The following RASSF5 variants were observed in gnomAD, a reference collection of about 807,000 sequenced individuals.
The protein encoded by RASSF5 is ras association domain-containing protein 5.
RASSF5 carries 25 observed loss-of-function variants against 40.5 expected under a neutral mutation model. That is an observed-to-expected ratio of 0.62 (90% confidence interval 0.45 to 0.86). RASSF5 has a LOEUF of 0.86. Ranked by LOEUF, RASSF5 falls within the 40% of genes least tolerant of loss-of-function variation. The pLI, the probability that RASSF5 is intolerant of heterozygous loss-of-function variation, is 0.00. For missense variants in RASSF5, 521 were observed against 572.8 expected (o/e 0.91, Z 0.92); for synonymous variants, 246 against 252.4 (o/e 0.97, Z 0.24).
At chr1:206,528,869 C>A in intron 1 of RASSF5, 1 of 483,368 alleles carries the variant, frequency 2.1e-6, no homozygotes, top group South Asian at 3.6e-5. Context: ...GAAACCTCGT[C>A]TCTACAAAAA....
At chr1:206,521,894 G>A (rs1000661488) in intron 1 of RASSF5, among the ~76,000 whole-genome samples, 3 of 152,220 alleles carry the variant, frequency 2.0e-5, no homozygotes, top group Non-Finnish European at 2.9e-5. Context: ...AGTGACACAT[G>A]CCTAGACGAG....
chr1:206,538,875 G>A (rs1385325795), intron 2 of RASSF5, among the ~76,000 whole-genome samples: 13 of 152,336 alleles, frequency 8.5e-5, no homozygotes, highest in South Asian at 2.1e-4. Flanking sequence ...AGCATTTGTT[G>A]AGTATCTACT....
chr1:206,507,536 G>T lies in RASSF5; in HGVS notation c.-67G>T. ...CTGGTGTGGGGCGGCCCCTTCTCTC[G>T]GGGCTGGCTCGGGAGTAGCGCAGTC... On this transcript the variant is annotated 5_prime_UTR_variant, in exon 1 of 6. Transcript: ENST00000579436. The T allele has an allele frequency of 7.9e-7, 1 of 1,272,948 alleles. No individual in the cohort carries two copies. Among genetic ancestry groups the T allele is most frequent in the Non-Finnish European group, 1.0e-6 (1 of 974,054 alleles). 78.9% of individuals were successfully genotyped at this position (1,272,948 alleles called of 1,614,324 possible).
chr1:206,529,553 T>G (rs1240222699), intron 1 of RASSF5: 2 of 910,662 alleles, frequency 2.2e-6, no homozygotes, highest in Non-Finnish European at 3.6e-6. Flanking sequence ...GCGCTTTGGC[T>G]AAGCTGGTGG....
intron 2 of RASSF5, among the ~76,000 whole-genome samples, chr1:206,546,979 A>G (rs1168716655): frequency 6.6e-6 from 1 of 152,206 alleles, no homozygotes; most frequent in Admixed American, 6.5e-5. Context: ...CATGTATAGT[A>G]TAAAACCCTG....
intron 2 of RASSF5, chr1:206,557,132 G>A (rs1445780039): frequency 1.0e-6 from 1 of 991,268 alleles, no homozygotes; most frequent in Non-Finnish European, 1.2e-6. Flanking sequence ...AGCCGAGCCG[G>A]CTTTGAGGAA....
intron 1 of RASSF5, among the ~76,000 whole-genome samples, chr1:206,527,289 GTA>G (rs1553397352): frequency 6.6e-6 from 1 of 152,178 alleles, no homozygotes; most frequent in African/African-American, 2.4e-5. Flanking sequence ...AATCTCTGAG[GTA>G]GTTGGTTCTG....
intron 2 of RASSF5, among the ~76,000 whole-genome samples, chr1:206,559,797 A>G (rs562594761): frequency 2.0e-5 from 3 of 152,302 alleles, no homozygotes; most frequent in Admixed American, 6.5e-5. Flanking sequence ...GGTCAGGGAC[A>G]GTGTTCCTCA....
intron 1 of RASSF5, among the ~76,000 whole-genome samples, chr1:206,533,776 C>G (rs565426188): frequency 3.3e-4 from 50 of 152,144 alleles, no homozygotes; most frequent in African/African-American, 9.2e-4. Flanking sequence ...AAAAAAAGTT[C>G]TAACCCCCAG....
intron 1 of RASSF5, among the ~76,000 whole-genome samples, chr1:206,528,199 C>T (rs1267211614): frequency 1.3e-5 from 2 of 151,180 alleles, no homozygotes; most frequent in Non-Finnish European, 2.9e-5. Flanking sequence ...CAAGGAGCCT[C>T]ATAAATATAT....
intron 2 of RASSF5, chr1:206,542,354 AC>A (rs1210460595): frequency 6.6e-6 from 1 of 151,670 alleles, no homozygotes; most frequent in Non-Finnish European, 1.5e-5. Context: ...GTTTAAGACA[AC>A]CCTAGCATCT....
rs12096672 is a variant in RASSF5, at chr1:206,552,206, G to T, written c.579+13913G>T. On this transcript the variant is annotated intron_variant, in intron 2 of 5. Transcript: ENST00000579436. This position sits in a 1 kb window ranked among gnomAD's most constrained non-coding sequence, Gnocchi z 4.1. ...TGCCACCACTCACCTCTTACAACAG[G>T]AAGTCATCTGGGGAGACACCGAGCT... Among the ~76,000 whole-genome samples the T allele has an allele frequency of 9.2e-5, 14 of 152,172 alleles. No individual in the cohort carries two copies. Among genetic ancestry groups the T allele is most frequent in the African/African-American group, 3.4e-4 (14 of 41,432 alleles).
At chr1:206,514,328 T>TA (rs1251024226) in intron 1 of RASSF5, among the ~76,000 whole-genome samples, 3 of 152,162 alleles carry the variant, frequency 2.0e-5, no homozygotes, top group Admixed American at 1.3e-4. Flanking sequence ...TACCTATAAC[T>TA]ACTGCCCTGG....
chr1:206,560,083 AGATCAC>A lies in RASSF5; in HGVS notation c.579+21792_579+21797del. On this transcript the variant is annotated intron_variant, in intron 2 of 5. Coordinates refer to ENST00000579436, the MANE Select transcript of RASSF5 (RefSeq NM_182663.4). The surrounding 1 kb of genome is among the most constrained non-coding windows in gnomAD (Gnocchi z 5.1). ...AGTGCTTTTATTCTTACCCAAAGAG[AGATCAC>A]GCTTGAGCTCCTAAGAGAATTTCTT... 6.6e-6 allele frequency among the ~76,000 whole-genome samples: 1 copy of A among 152,298 alleles called. No individual in the cohort carries two copies. Among genetic ancestry groups the A allele is most frequent in the African/African-American group, 2.4e-5 (1 of 41,552 alleles).
chr1:206,549,902 G>A (rs1367504744), intron 2 of RASSF5, among the ~76,000 whole-genome samples: 1 of 152,128 alleles, frequency 6.6e-6, no homozygotes, highest in Non-Finnish European at 1.5e-5. Context: ...CTCTAGCCTT[G>A]GGTCATTTCT....
At chr1:206,510,543 C>T (rs1375142840) in intron 1 of RASSF5, among the ~76,000 whole-genome samples, 2 of 152,184 alleles carry the variant, frequency 1.3e-5, no homozygotes, top group East Asian at 1.9e-4. Context: ...GCTGTAACAA[C>T]TAGTCTGGGC....
chr1:206,534,247 C>T (rs1553398339), intron 1 of RASSF5, among the ~76,000 whole-genome samples: 2 of 152,034 alleles, frequency 1.3e-5, no homozygotes, highest in Admixed American at 6.6e-5. Context: ...TTACAGTTGC[C>T]TCCTTCTATA....
chr1:206,585,865 G>A (rs1404354024), intron 5 of RASSF5: 1 of 152,434 alleles, frequency 6.6e-6, no homozygotes, highest in African/African-American at 2.4e-5. Flanking sequence ...GGAGTTTTGG[G>A]AGTCACTGCG....
At chr1:206,566,161 G>T (rs974634495) in intron 2 of RASSF5, among the ~76,000 whole-genome samples, 1 of 152,156 alleles carries the variant, frequency 6.6e-6, no homozygotes, top group Non-Finnish European at 1.5e-5. Context: ...GTGAAAGGGG[G>T]TGAGCCAAGG....
Sources: gnomAD v4.1 joint callset for allele counts (sites outside exome capture counted in the v4.1 genomes callset) on GRCh38, gnomAD v4.1.1 for gene constraint, Gnocchi (gnomAD v3.1) non-coding constraint, MANE v1.5 for transcripts, NCBI Gene and HGNC (gene_info 2026-07-23, HGNC 2026-07-21) for gene names.